ZNF385D: variants seen among roughly 807,000 people sequenced by gnomAD.
ZNF385D encodes zinc finger protein 659.
A neutral mutation model predicts 35.8 loss-of-function variants in ZNF385D; 15 were observed. The ratio of observed to expected loss-of-function variants is 0.42; its 90% confidence interval spans 0.28 to 0.64. The LOEUF is 0.64. ZNF385D is among the 30% of genes least tolerant of loss of function. The pLI, the probability that ZNF385D is intolerant of heterozygous loss-of-function variation, is 0.23. For synonymous variants in ZNF385D, 212 were observed against 186.8 expected, an observed-to-expected ratio of 1.13 and a Z score of -1.10; for missense variants, 474 against 494.6, an observed-to-expected ratio of 0.96 and a Z score of 0.39.
chr3:21,724,628 G>T lies in ZNF385D; in HGVS notation c.22+26267C>A, dbSNP rs145509804. On this transcript the variant is annotated intron_variant, in intron 1 of 7. Transcript: ENST00000281523. ...TAAAGGGATCAATGCAACAAGAAGA[G>T]CTAACTATACTAAATATATACGCAC... Among the ~76,000 whole-genome samples the T allele has an allele frequency of 6.3e-3, 959 of 151,636 alleles. 38 individuals carry two copies. Among genetic ancestry groups the T allele is most frequent in the Admixed American group, 0.057 (868 of 15,228 alleles).
chr3:22,078,402 C>A (rs762739675), intron 3 of ZNF385D, among the ~76,000 whole-genome samples: 6 of 152,024 alleles, frequency 3.9e-5, no homozygotes, highest in Non-Finnish European at 1.5e-5. Context: ...TCCAACCATG[C>A]AGTGCTACCA....
chr3:22,255,198 A>T (rs531207242), intron 2 of ZNF385D, among the ~76,000 whole-genome samples: 4 of 151,872 alleles, frequency 2.6e-5, no homozygotes, highest in African/African-American at 7.2e-5. Context: ...AAAAGAAAAG[A>T]AAAGAAAAAA....
chr3:21,602,803 G>T (rs554649809), intron 2 of ZNF385D, among the ~76,000 whole-genome samples: 2 of 151,840 alleles, frequency 1.3e-5, no homozygotes, highest in Non-Finnish European at 2.9e-5. Flanking sequence ...AAAGTGCTGG[G>T]ATTACAGGCG....
intron 2 of ZNF385D, among the ~76,000 whole-genome samples, chr3:21,622,785 C>A (rs955751441): frequency 1.3e-5 from 2 of 151,972 alleles, no homozygotes; most frequent in Non-Finnish European, 2.9e-5. Context: ...GGCTCTAATA[C>A]TTCTATAACC....
At chr3:21,781,497 C>T (rs1262923094) in intron 3 of ZNF385D, among the ~76,000 whole-genome samples, 1 of 151,884 alleles carries the variant, frequency 6.6e-6, no homozygotes, top group East Asian at 1.9e-4. Context: ...AGTTCTCATA[C>T]CATGTGTCAT....
intron 3 of ZNF385D, among the ~76,000 whole-genome samples, chr3:22,106,791 G>C (rs567934009): frequency 4.5e-4 from 68 of 152,240 alleles, no homozygotes; most frequent in African/African-American, 1.5e-3. Context: ...CTAATGCGGA[G>C]AAGCCTGACA....
chr3:21,465,292 G>A lies in ZNF385D; in HGVS notation c.440-28089C>T, dbSNP rs1384104842. ...ACTATTTGTATTTATCCAGTTAGGT[G>A]TCTAATGCAAAACACACTAATTTTT... is the stretch of plus-strand genomic sequence containing the variant. On this transcript the variant is annotated intron_variant, in intron 4 of 7. Transcript: ENST00000281523. This position sits in a 1 kb window ranked among gnomAD's most constrained non-coding sequence, Gnocchi z 4.2. Among the ~76,000 whole-genome samples, 1 of 152,156 alleles carries A rather than the reference G, an allele frequency of 6.6e-6. No homozygotes were observed. The highest frequency in any genetic ancestry group is 2.4e-5 in the African/African-American group (1 of 41,434).
At chr3:22,339,398 C>T (rs1489414793) in intron 2 of ZNF385D, among the ~76,000 whole-genome samples, 2 of 152,284 alleles carry the variant, frequency 1.3e-5, no homozygotes, top group South Asian at 2.1e-4. Context: ...TTATCAAATA[C>T]TATGTGCCAT....
At chr3:21,552,223 C>G (rs1044917176) in intron 3 of ZNF385D, among the ~76,000 whole-genome samples, 20 of 152,118 alleles carry the variant, frequency 1.3e-4, no homozygotes, top group African/African-American at 3.9e-4. Context: ...TTAAAATGAT[C>G]TAATATGTAT....
At chr3:22,086,102 C>G (rs574375216) in intron 3 of ZNF385D, among the ~76,000 whole-genome samples, 65 of 152,292 alleles carry the variant, frequency 4.3e-4, no homozygotes, top group Non-Finnish European at 8.1e-4. Flanking sequence ...TATCATACTG[C>G]ATGGGCGAAA....
chr3:21,733,596 A>T (rs192414493), intron 1 of ZNF385D, among the ~76,000 whole-genome samples: 1 of 152,176 alleles, frequency 6.6e-6, no homozygotes, highest in East Asian at 1.9e-4. Context: ...TATTAATTTT[A>T]TGTAGTTAAA....
intron 3 of ZNF385D, among the ~76,000 whole-genome samples, chr3:22,058,753 T>C (rs1699543336): frequency 6.6e-6 from 1 of 152,248 alleles, no homozygotes; most frequent in East Asian, 1.9e-4. Flanking sequence ...AATTTATATG[T>C]TAACTTTTGG....
intron 4 of ZNF385D, among the ~76,000 whole-genome samples, chr3:21,447,802 C>G (rs1288677057): frequency 1.3e-5 from 2 of 152,022 alleles, no homozygotes; most frequent in African/African-American, 4.8e-5. Context: ...ATTTAGGACA[C>G]AAATACTCAC....
chr3:21,538,685 T>C (rs1237723656), intron 3 of ZNF385D, among the ~76,000 whole-genome samples: 1 of 152,122 alleles, frequency 6.6e-6, no homozygotes, highest in Non-Finnish European at 1.5e-5. Flanking sequence ...CAACATGTAA[T>C]GTGCCAATAG....
chr3:22,002,789 A>C (rs1032973524), intron 3 of ZNF385D, among the ~76,000 whole-genome samples: 2 of 152,204 alleles, frequency 1.3e-5, no homozygotes, highest in African/African-American at 4.8e-5. Context: ...TTCAACATAC[A>C]CAAATAAAGA....
chr3:22,126,207 A>G (rs1703416410), intron 3 of ZNF385D, among the ~76,000 whole-genome samples: 3 of 151,474 alleles, frequency 2.0e-5, no homozygotes, highest in Admixed American at 1.3e-4. Flanking sequence ...AATATAATGT[A>G]TCATATTGAC....
chr3:22,066,492 GTATGTC>G (rs762111554), intron 3 of ZNF385D, among the ~76,000 whole-genome samples: 2 of 146,112 alleles, frequency 1.4e-5, no homozygotes, highest in Admixed American at 6.8e-5. Flanking sequence ...GTGTGTGTGT[GTATGTC>G]TGTAAGTAAA....
At chr3:21,802,464 A>G (rs1333148806) in intron 3 of ZNF385D, among the ~76,000 whole-genome samples, 1 of 152,208 alleles carries the variant, frequency 6.6e-6, no homozygotes, top group South Asian at 2.1e-4. Flanking sequence ...CTGTGTAAGT[A>G]ACAGACATCT....
chr3:21,605,619 T>C (rs2064456428), intron 2 of ZNF385D, among the ~76,000 whole-genome samples: 1 of 152,178 alleles, frequency 6.6e-6, no homozygotes, highest in Non-Finnish European at 1.5e-5. Context: ...AGCATTTTTG[T>C]CTGACTGATT....
Sources: gnomAD v4.1 joint callset for allele counts (sites outside exome capture counted in the v4.1 genomes callset) on GRCh38, gnomAD v4.1.1 for gene constraint, Gnocchi (gnomAD v3.1) non-coding constraint, MANE v1.5 for transcripts, NCBI Gene and HGNC (gene_info 2026-07-23, HGNC 2026-07-21) for gene names.